SPNS3: variants seen among roughly 807,000 people sequenced by gnomAD.
SPNS3 encodes SPNS lysolipid transporter 3, sphingosine-1-phosphate (putative).
A neutral mutation model predicts 54.4 loss-of-function variants in SPNS3; 51 were observed. The observed-to-expected ratio is 0.94, with a 90% CI of 0.75 to 1.18. The LOEUF is 1.18. Ranked by LOEUF, SPNS3 falls within the 50% of genes most tolerant of loss-of-function variation. The pLI, the probability that SPNS3 is intolerant of heterozygous loss-of-function variation, is 0.00. For missense variants in SPNS3, 669 were observed against 677.4 expected (o/e 0.99, Z 0.14); for synonymous variants, 309 against 294.7 (o/e 1.05, Z -0.50).
At chr17:4,453,541 G>A (rs2326058) in intron 8 of SPNS3, among the ~76,000 whole-genome samples, 1 of 151,744 alleles carries the variant, frequency 6.6e-6, no homozygotes, top group African/African-American at 2.4e-5. Context: ...TCGCTTGAAC[G>A]CGGGAGGTGG....
intron 8 of SPNS3, among the ~76,000 whole-genome samples, chr17:4,462,810 T>C (rs1440949500): frequency 0.019 from 764 of 40,102 alleles, 80 homozygotes; most frequent in African/African-American, 0.097. Context: ...TCCACCAATC[T>C]ATCCATCCAT....
At chr17:4,443,432 CT>C (rs1970904401) in intron 2 of SPNS3, among the ~76,000 whole-genome samples, 1 of 152,230 alleles carries the variant, frequency 6.6e-6, no homozygotes, top group Non-Finnish European at 1.5e-5. Context: ...TGAAATAACA[CT>C]TGCCCCTCCA....
chr17:4,476,036 C>A (rs1971987116), intron 8 of SPNS3, among the ~76,000 whole-genome samples: 1 of 152,198 alleles, frequency 6.6e-6, no homozygotes, highest in Non-Finnish European at 1.5e-5. Context: ...GGGGACCACC[C>A]CAGGCCCGCT....
intron 8 of SPNS3, among the ~76,000 whole-genome samples, chr17:4,475,782 C>G (rs1333793228): frequency 6.6e-6 from 1 of 152,220 alleles, no homozygotes; most frequent in Non-Finnish European, 1.5e-5. Context: ...GAACAGTCAG[C>G]TGAATTCTAC....
At chr17:4,485,849 A>T (rs1419067521) in intron 9 of SPNS3, among the ~76,000 whole-genome samples, 2 of 152,182 alleles carry the variant, frequency 1.3e-5, no homozygotes, top group African/African-American at 2.4e-5. Context: ...GCACATGCAG[A>T]CACCTGGCAT....
intron 2 of SPNS3, among the ~76,000 whole-genome samples, chr17:4,444,276 G>A (rs1201199525): frequency 1.3e-5 from 2 of 151,210 alleles, no homozygotes; most frequent in African/African-American, 2.4e-5. Context: ...GTGCAGTGGC[G>A]TGATCCCGGC....
chr17:4,457,006 C>T (rs757685455), intron 8 of SPNS3, among the ~76,000 whole-genome samples: 1 of 152,178 alleles, frequency 6.6e-6, no homozygotes, highest in Non-Finnish European at 1.5e-5. Context: ...TGATCCACCA[C>T]GCCCAGCCTG....
chr17:4,462,982 C>T (rs1394450500), intron 8 of SPNS3, among the ~76,000 whole-genome samples: 1 of 151,734 alleles, frequency 6.6e-6, no homozygotes, highest in African/African-American at 2.4e-5. Context: ...AGGCTCCAAA[C>T]TCTTCTTGGG....
In SPNS3 at chr17:4,449,275, GC is replaced by G. The variant is rs1325895795; in HGVS notation, c.813del (p.Phe272LeufsTer2). 3.7e-6 allele frequency: 6 copies of G among 1,612,456 alleles called. No individual in the cohort carries two copies. Among genetic ancestry groups the G allele is most frequent in the Non-Finnish European group, 5.1e-6 (6 of 1,179,914 alleles). ...VWSTLGVTAM[A>X]FVTGALGFWA... Reference sequence around the variant, plus strand: ...GTCGACCCTCGGAGTGACCGCCATGGCCTTTGTGACTGGAGCCCTGGGGTTC... The same window carrying G: ...GTCGACCCTCGGAGTGACCGCCATGGCTTTGTGACTGGAGCCCTGGGGTTC... On this transcript the variant is annotated frameshift_variant, in exon 7 of 12. Transcript: ENST00000355530. LOFTEE classifies it high-confidence loss of function.
intron 5 of SPNS3, 129 bp from the exon 6 acceptor site, chr17:4,448,026 C>T: frequency 2.3e-6 from 2 of 874,242 alleles, no homozygotes; most frequent in South Asian, 2.3e-5. Context: ...AATCAGGTCA[C>T]CCCCACTACC....
chr17:4,487,057 A>C (rs773933582), intron 11 of SPNS3, among the ~76,000 whole-genome samples: 3 of 151,362 alleles, frequency 2.0e-5, no homozygotes, highest in Non-Finnish European at 2.9e-5. Flanking sequence ...CTGTAGTCCC[A>C]GCTACTCAGG....
Position 4,448,267 on chromosome 17 carries a change from G to A in SPNS3, c.734G>A (p.Ser245Asn). The change falls in exon 6 of 12, where the codon AGC (serine) becomes AAC (asparagine). Residue 245 changes from serine (S) to asparagine (N), a missense_variant. By Grantham distance (46) the Ser-to-Asn change is conservative. Transcript: ENST00000355530. ...QGEGAVGGFRSSWCEDVRYLG... is the reference protein window; with the variant it reads ...QGEGAVGGFRNSWCEDVRYLG... ...GAGGGGGCCGTGGGAGGCTTCAGGA[G>A]CAGCTGGTGTGAGGACGTCAGATAC... 6.3e-7 allele frequency: 1 copy of A among 1,591,490 alleles called. No homozygotes were observed. Among genetic ancestry groups the A allele is most frequent in the East Asian group, 2.3e-5 (1 of 43,670 alleles).
In SPNS3 at chr17:4,434,102, C is replaced by A; in HGVS notation, c.135C>A (p.Tyr45Ter). Reference sequence around the variant, plus strand: ...GGAGCCTGCCCCCGTGGAGGGCCTACGTGGCTGCCGCCGTCCTCTGCTACA... The same window carrying A: ...GGAGCCTGCCCCCGTGGAGGGCCTAAGTGGCTGCCGCCGTCCTCTGCTACA... The part of the protein sequence containing the change: ...TSWSLPPWRA[Y>*]VAAAVLCYIN... Residue 45 changes from tyrosine (Y) to a stop codon, truncating the protein, a stop_gained, in exon 1 of 12, where the codon TAC (tyrosine) becomes TAA (stop). Transcript: ENST00000355530. LOFTEE classifies it high-confidence loss of function. The A allele has an allele frequency of 6.2e-7, 1 of 1,612,402 alleles. No individual in the cohort carries two copies. The highest frequency in any genetic ancestry group is 8.5e-7 in the Non-Finnish European group (1 of 1,179,314).
At chr17:4,434,219 AG>A in intron 1 of SPNS3, 53 bp downstream of exon 1, 1 of 1,503,724 alleles carries the variant, frequency 6.7e-7, no homozygotes, top group Admixed American at 1.9e-5. Context: ...CCCACCAGCC[AG>A]GGGCTGCAGA....
intron 8 of SPNS3, among the ~76,000 whole-genome samples, chr17:4,460,549 A>G (rs1392204635): frequency 6.8e-6 from 1 of 147,834 alleles, no homozygotes; most frequent in Non-Finnish European, 1.5e-5. Flanking sequence ...CTCCTGCCTC[A>G]GCCTCCCGAG....
rs906405484 is a variant in SPNS3, at chr17:4,486,981, G to A, written c.1450+398G>A. 3.9e-5 allele frequency among the ~76,000 whole-genome samples: 6 copies of A among 151,932 alleles called. No individual in the cohort carries two copies. Among genetic ancestry groups the A allele is most frequent in the Non-Finnish European group, 8.8e-5 (6 of 67,966 alleles). ...AAGGTTAGGAGTTCAAGACCAGCCT[G>A]GGCAACATGGTGAAGCCCTGTCTCT... On this transcript the variant is annotated intron_variant, in intron 11 of 11. Coordinates refer to ENST00000355530, the MANE Select transcript of SPNS3 (RefSeq NM_182538.5). The surrounding 1 kb of genome is among the most constrained non-coding windows in gnomAD (Gnocchi z 5.5).
At chr17:4,453,479 A>G (rs762200628) in intron 8 of SPNS3, among the ~76,000 whole-genome samples, 3 of 152,184 alleles carry the variant, frequency 2.0e-5, no homozygotes, top group Admixed American at 6.5e-5. Context: ...TTAGCTGGGC[A>G]TGGTGGCAGG....
intron 8 of SPNS3, among the ~76,000 whole-genome samples, chr17:4,464,525 CATT>C (rs1274881185): frequency 1.3e-5 from 2 of 152,122 alleles, no homozygotes; most frequent in Non-Finnish European, 2.9e-5. Flanking sequence ...ACCTGGCCAT[CATT>C]CCTTCTTTCC....
intron 8 of SPNS3, among the ~76,000 whole-genome samples, chr17:4,470,330 G>A (rs1971822291): frequency 6.6e-6 from 1 of 152,134 alleles, no homozygotes; most frequent in Non-Finnish European, 1.5e-5. Context: ...TTGGGAGGCT[G>A]AGGCTGAGAA....
Sources: allele counts gnomAD v4.1 joint callset (sites outside exome capture counted in the v4.1 genomes callset), GRCh38; gene constraint gnomAD v4.1.1; non-coding constraint Gnocchi (gnomAD v3.1); transcripts MANE v1.5; gene names NCBI Gene and HGNC (gene_info 2026-07-23, HGNC 2026-07-21).